The following MYRIP variants were observed in gnomAD, a reference collection of about 807,000 sequenced individuals.
The protein encoded by MYRIP is myosin VIIA and Rab interacting protein.
In MYRIP, 49 loss-of-function variants were observed where a neutral mutation model predicts 98.0. The ratio of observed to expected loss-of-function variants is 0.50; its 90% confidence interval spans 0.40 to 0.63. The LOEUF is 0.63. Ranked by LOEUF, MYRIP falls within the 30% of genes least tolerant of loss-of-function variation. MYRIP has a pLI of 0.00. For missense variants in MYRIP, 1,004 were observed against 1,058.2 expected, an observed-to-expected ratio of 0.95 and a Z score of 0.71; for synonymous variants, 404 against 409.5, an observed-to-expected ratio of 0.99 and a Z score of 0.16.
intron 8 of MYRIP, chr3:40,173,503 G>A (rs1324505361): frequency 6.6e-6 from 1 of 152,272 alleles, no homozygotes; most frequent in African/African-American, 2.4e-5. Context: ...TGTATCATAA[G>A]CCAAAACAGT....
chr3:40,171,236 G>T (rs1327572999), intron 8 of MYRIP, among the ~76,000 whole-genome samples: 1 of 152,028 alleles, frequency 6.6e-6, no homozygotes, highest in South Asian at 2.1e-4. Context: ...CACGGGTAAG[G>T]CTGGTAAAAA....
intron 12 of MYRIP, among the ~76,000 whole-genome samples, chr3:40,240,730 C>T (rs1474576152): frequency 6.6e-6 from 1 of 152,202 alleles, no homozygotes; most frequent in African/African-American, 2.4e-5. Context: ...TCCCACCCTC[C>T]ACAGCAGCAC....
chr3:39,996,020 C>A (rs1946342519), intron 2 of MYRIP, among the ~76,000 whole-genome samples: 1 of 152,198 alleles, frequency 6.6e-6, no homozygotes, highest in Non-Finnish European at 1.5e-5. Flanking sequence ...CATACAAGAG[C>A]TCCTGAAGGA....
chr3:39,999,487 A>G (rs916845882), intron 2 of MYRIP, among the ~76,000 whole-genome samples: 5 of 152,208 alleles, frequency 3.3e-5, no homozygotes, highest in African/African-American at 1.2e-4. Context: ...ACCATCTCAC[A>G]CCAGTTAGAA....
chr3:40,033,421 C>A (rs1947304854), intron 2 of MYRIP, among the ~76,000 whole-genome samples: 1 of 152,002 alleles, frequency 6.6e-6, no homozygotes, highest in Non-Finnish European at 1.5e-5. Flanking sequence ...TCTTATACAC[C>A]AATAACAGAC....
chr3:40,160,052 T>C (rs1269337704), intron 4 of MYRIP, among the ~76,000 whole-genome samples: 2 of 152,192 alleles, frequency 1.3e-5, no homozygotes, highest in Admixed American at 6.5e-5. Flanking sequence ...CTGTGTTCCT[T>C]TGGAGGAGGA....
At chr3:40,188,761 G>A (rs915224184) in intron 9 of MYRIP, among the ~76,000 whole-genome samples, 1 of 130,364 alleles carries the variant, frequency 7.7e-6, no homozygotes, top group Non-Finnish European at 1.7e-5. Context: ...TGGGCAACAA[G>A]AGTGAAACTC....
chr3:40,164,623 C>G (rs943237438), intron 5 of MYRIP, among the ~76,000 whole-genome samples: 3 of 152,210 alleles, frequency 2.0e-5, no homozygotes, highest in Non-Finnish European at 4.4e-5. Context: ...GTACTATAGC[C>G]TAGCCACGTT....
chr3:39,996,300 G>C (rs1946352630), intron 2 of MYRIP, among the ~76,000 whole-genome samples: 1 of 152,110 alleles, frequency 6.6e-6, no homozygotes, highest in Admixed American at 6.6e-5. Flanking sequence ...CTCACATGCA[G>C]AGACACACAT....
intron 1 of MYRIP, among the ~76,000 whole-genome samples, chr3:39,836,746 C>T (rs968984742): frequency 6.6e-6 from 1 of 152,168 alleles, no homozygotes. Flanking sequence ...GCACTCCAAG[C>T]ATTTATTTAG....
chr3:40,172,156 C>T (rs954489004), intron 8 of MYRIP, among the ~76,000 whole-genome samples: 17 of 152,290 alleles, frequency 1.1e-4, no homozygotes, highest in African/African-American at 2.9e-4. Context: ...CAGTGGTCTC[C>T]GCAGATACAG....
intron 3 of MYRIP, among the ~76,000 whole-genome samples, chr3:40,134,804 AGACCTGCAGCTGAGGGTCCT>A (rs550707986): frequency 0.012 from 1,873 of 152,356 alleles, 9 homozygotes; most frequent in Non-Finnish European, 0.021. Flanking sequence ...GAACTCCAAC[AGACCTGCAGCTGAGGGTCCT>A]GACTGTTAGA....
At position 39,864,417 on chromosome 3, in the gene MYRIP, G is replaced by C. The variant is rs569882903; in HGVS notation, c.-30-36370G>C. Among the ~76,000 whole-genome samples, 13 of 152,178 alleles carry C rather than the reference G, an allele frequency of 8.5e-5. 1 individual carries two copies. Among genetic ancestry groups the C allele is most frequent in the African/African-American group, 2.6e-4 (11 of 41,522 alleles). Reference sequence around the variant, plus strand: ...AAAACCCAATAGTCTCTGCCCAAAAGCTCCTTAATCTGATTAATAACTTTA... The same window carrying C: ...AAAACCCAATAGTCTCTGCCCAAAACCTCCTTAATCTGATTAATAACTTTA... On this transcript the variant is annotated intron_variant, in intron 1 of 16. Coordinates refer to ENST00000302541, the MANE Select transcript of MYRIP (RefSeq NM_015460.4).
intron 3 of MYRIP, among the ~76,000 whole-genome samples, chr3:40,067,315 C>G (rs988753203): frequency 6.6e-6 from 1 of 152,130 alleles, no homozygotes; most frequent in Non-Finnish European, 1.5e-5. Context: ...AGTTGTAAAG[C>G]AAGAATGAGG....
intron 1 of MYRIP, among the ~76,000 whole-genome samples, chr3:39,898,545 T>C (rs1383299692): frequency 1.3e-5 from 2 of 152,080 alleles, no homozygotes; most frequent in African/African-American, 4.8e-5. Context: ...TTTTAAAACC[T>C]GAGGTTTTAA....
Position 40,074,077 on chromosome 3 carries a change from CTT to C in MYRIP, c.332+29820_332+29821del, listed in dbSNP as rs34272356. 8.3e-4 allele frequency among the ~76,000 whole-genome samples: 119 copies of C among 144,046 alleles called. 1 individual carries two copies. The highest frequency in any genetic ancestry group is 1.6e-3 in the Admixed American group (23 of 14,494). 94.5% of individuals were successfully genotyped at this position (144,046 alleles called of 152,430 possible). ...ATATTTCTGCTTGAATATTTAGAAA[CTT>C]TTTTTTTTTTTTTGAGATGGAGTCT... On this transcript the variant is annotated intron_variant, in intron 3 of 16. Transcript: ENST00000302541.
intron 2 of MYRIP, among the ~76,000 whole-genome samples, chr3:39,958,646 A>T (rs1447379238): frequency 6.6e-6 from 1 of 152,194 alleles, no homozygotes; most frequent in Non-Finnish European, 1.5e-5. Flanking sequence ...AAAACAACAA[A>T]ATCAATGGCA....
rs377655303 is a variant in MYRIP at position 39,900,919 on chromosome 3, C to G, written c.103C>G (p.Arg35Gly). The change falls in exon 2 of 17, where the codon CGA becomes GGA. Residue 35 changes from arginine (R) to glycine (G), a missense_variant. Coordinates refer to ENST00000302541, the MANE Select transcript of MYRIP (RefSeq NM_015460.4). ...CAATCTTCGCAAAAAAGAAGAAGAA[C>G]GACTAAGGTGAGATGCCTGTTTTGC... The part of the protein sequence containing the change: ...DFNLRKKEEE[R>G]LSELKQKLDE... The G allele has an allele frequency of 6.2e-7, 1 of 1,611,408 alleles. No homozygotes were observed. Among genetic ancestry groups the G allele is most frequent in the Non-Finnish European group, 8.5e-7 (1 of 1,178,922 alleles).
chr3:39,973,909 A>T (rs546511800), intron 2 of MYRIP, among the ~76,000 whole-genome samples: 1 of 152,232 alleles, frequency 6.6e-6, no homozygotes, highest in Admixed American at 6.5e-5. Flanking sequence ...CAGTGTGTAG[A>T]GGGAAATTTA....
Sources: gnomAD v4.1 joint callset for allele counts (sites outside exome capture counted in the v4.1 genomes callset) on GRCh38, gnomAD v4.1.1 for gene constraint, MANE v1.5 for transcripts, NCBI Gene and HGNC (gene_info 2026-07-23, HGNC 2026-07-21) for gene names.